Variants in TMEM135 observed in about 807,000 individuals in gnomAD.
The protein encoded by TMEM135 is peroxisomal membrane protein 52.
TMEM135 carries 30 observed loss-of-function variants against 60.3 expected under a neutral mutation model. The ratio of observed to expected loss-of-function variants is 0.50; its 90% CI spans 0.37 to 0.68. TMEM135 has a LOEUF of 0.68. Ranked by LOEUF, TMEM135 falls within the 30% of genes least tolerant of loss-of-function variation. TMEM135 has a pLI of 0.00. For synonymous variants in TMEM135, 190 were observed against 186.7 expected (o/e 1.02, Z -0.14); for missense variants, 468 against 548.8 (o/e 0.85, Z 1.47).
intron 1 of TMEM135, among the ~76,000 whole-genome samples, chr11:87,057,829 A>G (rs1295339027): frequency 3.9e-5 from 5 of 127,412 alleles, no homozygotes; most frequent in South Asian, 2.4e-4. Flanking sequence ...GTGTGTGTGT[A>G]TAAAATAAGG....
At chr11:87,267,729 G>A (rs1448070122) in intron 6 of TMEM135, among the ~76,000 whole-genome samples, 1 of 151,638 alleles carries the variant, frequency 6.6e-6, no homozygotes, top group Non-Finnish European at 1.5e-5. Flanking sequence ...GAGTCAGTCT[G>A]TTGCCCAGGC....
At chr11:87,091,575 T>C (rs528994345) in intron 4 of TMEM135, among the ~76,000 whole-genome samples, 180 bp downstream of exon 4, 1 of 152,252 alleles carries the variant, frequency 6.6e-6, no homozygotes, top group East Asian at 1.9e-4. Context: ...TTCCATCATA[T>C]AGGATTGAAT....
chr11:87,040,317 C>T (rs181456135), intron 1 of TMEM135, among the ~76,000 whole-genome samples: 2 of 152,128 alleles, frequency 1.3e-5, no homozygotes, highest in Non-Finnish European at 2.9e-5. Context: ...AATGTATACC[C>T]CCATGTACTA....
At chr11:87,313,264 G>C (rs1269075098) in intron 10 of TMEM135, among the ~76,000 whole-genome samples, 161 bp from the exon 11 acceptor site, 2 of 151,652 alleles carry the variant, frequency 1.3e-5, no homozygotes, top group Non-Finnish European at 3.0e-5. Flanking sequence ...AAATATTATT[G>C]TTCATAATTT....
intron 5 of TMEM135, among the ~76,000 whole-genome samples, chr11:87,178,911 C>T (rs1939447626): frequency 6.6e-6 from 1 of 151,880 alleles, no homozygotes; most frequent in African/African-American, 2.4e-5. Flanking sequence ...TTTAATTTCT[C>T]TTGGCTTGAT....
chr11:87,063,650 T>C (rs968973871), intron 1 of TMEM135, among the ~76,000 whole-genome samples: 1 of 152,214 alleles, frequency 6.6e-6, no homozygotes, highest in African/African-American at 2.4e-5. Flanking sequence ...CCTGTTACCT[T>C]GTGTCTGGCC....
chr11:87,178,227 A>G (rs1258799098), intron 5 of TMEM135, among the ~76,000 whole-genome samples: 2 of 152,166 alleles, frequency 1.3e-5, no homozygotes, highest in African/African-American at 2.4e-5. Flanking sequence ...GCTGGAAGCT[A>G]TCACCATGAG....
intron 5 of TMEM135, among the ~76,000 whole-genome samples, chr11:87,215,487 G>A (rs1043907490): frequency 6.6e-6 from 1 of 152,208 alleles, no homozygotes; most frequent in African/African-American, 2.4e-5. Context: ...CACCTGTTAA[G>A]TTGGTCATCG....
intron 12 of TMEM135, 44 bp from the exon 13 acceptor site, chr11:87,318,093 T>C: frequency 1.4e-6 from 2 of 1,480,970 alleles, no homozygotes; most frequent in Non-Finnish European, 9.4e-7. Context: ...TTTTTAATGC[T>C]GAGGTTTTTT....
chr11:87,191,825 C>T (rs1440043795), intron 5 of TMEM135, among the ~76,000 whole-genome samples: 2 of 151,882 alleles, frequency 1.3e-5, no homozygotes, highest in African/African-American at 4.8e-5. Flanking sequence ...AGAAGTTTTC[C>T]TTATTATCTA....
At chr11:87,144,125 T>C (rs1482914204) in intron 4 of TMEM135, among the ~76,000 whole-genome samples, 2 of 142,128 alleles carry the variant, frequency 1.4e-5, no homozygotes, top group Admixed American at 7.5e-5. Flanking sequence ...ATTGGGAAAA[T>C]AGTATAGTAT....
At chr11:87,154,345 A>G (rs547757852) in intron 4 of TMEM135, among the ~76,000 whole-genome samples, 41 of 152,336 alleles carry the variant, frequency 2.7e-4, no homozygotes, top group African/African-American at 9.4e-4. Flanking sequence ...ACTCCATTGT[A>G]TGTATATACC....
intron 3 of TMEM135, among the ~76,000 whole-genome samples, chr11:87,076,647 T>A (rs1856879694): frequency 6.6e-6 from 1 of 152,200 alleles, no homozygotes; most frequent in East Asian, 1.9e-4. Context: ...ATGTGCTAGG[T>A]CACATCTGTA....
intron 9 of TMEM135, among the ~76,000 whole-genome samples, chr11:87,307,548 A>G (rs118113566): frequency 6.6e-6 from 1 of 152,128 alleles, no homozygotes; most frequent in African/African-American, 2.4e-5. Flanking sequence ...GGCGTGGGGA[A>G]GGTGATATTA....
intron 1 of TMEM135, among the ~76,000 whole-genome samples, chr11:87,058,430 A>G (rs543734442): frequency 6.7e-6 from 1 of 149,726 alleles, no homozygotes; most frequent in South Asian, 2.1e-4. Flanking sequence ...CCTGGGTTCA[A>G]GTGATTCTGC....
intron 6 of TMEM135, among the ~76,000 whole-genome samples, chr11:87,280,741 C>T (rs1324587474): frequency 6.6e-6 from 1 of 152,190 alleles, no homozygotes. Flanking sequence ...TGGCTGTCCT[C>T]AGCACTTGCA....
chr11:87,254,324 A>G (rs990779894), intron 6 of TMEM135, among the ~76,000 whole-genome samples: 1 of 152,180 alleles, frequency 6.6e-6, no homozygotes, highest in African/African-American at 2.4e-5. Context: ...TAATTAAAAA[A>G]CATACATGTG....
chr11:87,079,884 C>T (rs1289274087), intron 3 of TMEM135, among the ~76,000 whole-genome samples: 2 of 145,600 alleles, frequency 1.4e-5, no homozygotes, highest in African/African-American at 5.1e-5. Context: ...CTCTGTCGCC[C>T]AGGCTGGAGT....
intron 4 of TMEM135, among the ~76,000 whole-genome samples, chr11:87,152,163 A>G (rs950791700): frequency 1.3e-4 from 20 of 152,138 alleles, no homozygotes; most frequent in African/African-American, 4.8e-4. Flanking sequence ...AATTGTAGCT[A>G]CCTTTGTACT....
Sources: gnomAD v4.1 joint callset for allele counts (sites outside exome capture counted in the v4.1 genomes callset) on GRCh38, gnomAD v4.1.1 for gene constraint, MANE v1.5 for transcripts, NCBI Gene and HGNC (gene_info 2026-07-23, HGNC 2026-07-21) for gene names.